The following ENTREP3 variants were observed in gnomAD, a reference collection of about 807,000 sequenced individuals.
The protein encoded by ENTREP3 is protein ENTREP3.
the ENTREP3 span, chr1:155,253,212 T>G: frequency 1.2e-5 from 2 of 163,552 alleles, no homozygotes; most frequent in Non-Finnish European, 2.6e-5. Context: ...CCCGGCCCGA[T>G]TTTTGTATTT....
At chr1:155,255,024 G>T in the ENTREP3 span, 1 of 648,820 alleles carries the variant, frequency 1.5e-6, no homozygotes, top group South Asian at 1.9e-5. This position sits in a 1 kb window ranked among gnomAD's most constrained non-coding sequence, Gnocchi z 5.6. Context: ...GCATGGCCGA[G>T]GGACGCCAGC....
At chr1:155,252,694 A>ATATATG in the ENTREP3 span, 10 of 36,574 alleles carry the variant, frequency 2.7e-4, 1 homozygote, top group Non-Finnish European at 4.6e-4. Flanking sequence ...TTGTGTGTAT[A>ATATATG]TATATATATA....
the ENTREP3 span, chr1:155,247,337 C>T: frequency 1.3e-3 from 624 of 468,524 alleles, 13 homozygotes; most frequent in South Asian, 9.1e-3. Flanking sequence ...CAAGGTCATG[C>T]AGCTAGAGGT....
the ENTREP3 span, chr1:155,252,003 C>T: frequency 2.3e-6 from 2 of 872,212 alleles, no homozygotes; most frequent in Non-Finnish European, 3.3e-6. Context: ...TTTTTTCTGG[C>T]CCTATCCCCT....
the ENTREP3 span, chr1:155,255,068 G>A: frequency 1.7e-6 from 1 of 601,282 alleles, no homozygotes; most frequent in Non-Finnish European, 3.0e-6. This position sits in a 1 kb window ranked among gnomAD's most constrained non-coding sequence, Gnocchi z 5.6. Context: ...CGTCACGGAG[G>A]GACCGCGGAG....
chr1:155,247,706 G>A, the ENTREP3 span: 2 of 1,357,212 alleles, frequency 1.5e-6, no homozygotes, highest in South Asian at 1.5e-5. Context: ...GCCAGTGCAA[G>A]AGGATGCTGG....
At chr1:155,247,810 T>G in the ENTREP3 span, 2 of 1,469,716 alleles carry the variant, frequency 1.4e-6, no homozygotes, top group South Asian at 2.9e-5. Flanking sequence ...GCTGCCCCCG[T>G]TGAGGCTGAG....
chr1:155,255,096 G>C, the ENTREP3 span: 1 of 595,304 alleles, frequency 1.7e-6, no homozygotes, highest in South Asian at 2.0e-5. This position sits in a 1 kb window ranked among gnomAD's most constrained non-coding sequence, Gnocchi z 5.6. Context: ...TCCCCACCAC[G>C]GGCACTGGAC....
chr1:155,247,965 G>T, the ENTREP3 span: 72 of 1,606,818 alleles, frequency 4.5e-5, no homozygotes, highest in Non-Finnish European at 5.8e-5. Context: ...CCTGGACAGG[G>T]ACACAAGAAA....
the ENTREP3 span, among the ~76,000 whole-genome samples, chr1:155,249,846 G>C: frequency 1.3e-5 from 2 of 149,636 alleles, no homozygotes; most frequent in African/African-American, 4.9e-5. Context: ...AGATCGCGCG[G>C]CTGCACTCCA....
At chr1:155,247,863 G>A in the ENTREP3 span, 1 of 1,521,464 alleles carries the variant, frequency 6.6e-7, no homozygotes, top group East Asian at 2.3e-5. Flanking sequence ...GGCCAGACAG[G>A]AGACGCCGCA....
chr1:155,251,642 C>A, the ENTREP3 span: 1 of 1,601,632 alleles, frequency 6.2e-7, no homozygotes, highest in East Asian at 2.2e-5. Context: ...AGAAATAATT[C>A]CCCCTCCACA....
At chr1:155,254,713 G>A in the ENTREP3 span, 1 of 1,609,134 alleles carries the variant, frequency 6.2e-7, no homozygotes, top group Non-Finnish European at 8.5e-7. The surrounding 1 kb of genome is among the most constrained non-coding windows in gnomAD (Gnocchi z 4.4). Context: ...TGACGGAAGA[G>A]GCCACCATGC....
the ENTREP3 span, chr1:155,247,387 G>A: frequency 2.0e-6 from 1 of 497,500 alleles, no homozygotes; most frequent in Admixed American, 2.3e-5. Context: ...TGGACTCTTC[G>A]TGCCTGCCTT....
the ENTREP3 span, chr1:155,254,742 T>C: frequency 6.2e-7 from 1 of 1,613,826 alleles, no homozygotes; most frequent in Non-Finnish European, 8.5e-7. This position sits in a 1 kb window ranked among gnomAD's most constrained non-coding sequence, Gnocchi z 4.4. Flanking sequence ...ACCACCAGGA[T>C]GCCCAGGAGC....
At chr1:155,253,769 G>T in the ENTREP3 span, 1 of 1,606,028 alleles carries the variant, frequency 6.2e-7, no homozygotes, top group South Asian at 1.1e-5. Context: ...TCAGGAGACG[G>T]CTAAGTTCCA....
chr1:155,253,589 CA>C, the ENTREP3 span: 1 of 1,485,436 alleles, frequency 6.7e-7, no homozygotes, highest in South Asian at 1.2e-5. Context: ...CTGCCCCCAC[CA>C]TACCTGCGTG....
At chr1:155,254,106 C>A in the ENTREP3 span, 1 of 1,614,086 alleles carries the variant, frequency 6.2e-7, no homozygotes, top group Non-Finnish European at 8.5e-7. This position sits in a 1 kb window ranked among gnomAD's most constrained non-coding sequence, Gnocchi z 4.4. Context: ...TTGGAAGTCT[C>A]GGGCCAGTTG....
the ENTREP3 span, chr1:155,247,307 T>C: frequency 2.2e-6 from 1 of 444,494 alleles, no homozygotes; most frequent in Non-Finnish European, 4.5e-6. Context: ...GAGCAGGCAA[T>C]TGGGGTTACA....
Sources: gnomAD v4.1 joint callset for allele counts (sites outside exome capture counted in the v4.1 genomes callset) on GRCh38, gnomAD v4.1.1 for gene constraint, Gnocchi (gnomAD v3.1) non-coding constraint, MANE v1.5 for transcripts, NCBI Gene and HGNC (gene_info 2026-07-23, HGNC 2026-07-21) for gene names.